Variants in MSRA observed in about 807,000 individuals in gnomAD.
MSRA encodes methionine sulfoxide reductase A, also known as mitochondrial peptide methionine sulfoxide reductase.
MSRA carries 54 observed loss-of-function variants against 31.3 expected under a neutral mutation model. The observed-to-expected ratio is 1.73, with a 90% confidence interval of 1.39 to 2.17. The LOEUF is 2.17. Ranked by LOEUF, MSRA falls within the 30% of genes most tolerant of loss-of-function variation. The pLI, the probability that MSRA is intolerant of heterozygous loss-of-function variation, is 0.00. For missense variants in MSRA, 507 were observed against 300.9 expected (o/e 1.69, Z -5.07); for synonymous variants, 169 against 116.5 (o/e 1.45, Z -2.90).
chr8:10,177,100 A>G (rs1354678472), intron 1 of MSRA, among the ~76,000 whole-genome samples: 3 of 152,182 alleles, frequency 2.0e-5, no homozygotes, highest in Non-Finnish European at 4.4e-5. Flanking sequence ...GTTTGATTCA[A>G]TGAGTCTCTT....
At chr8:10,082,280 C>T (rs1467903964) in intron 1 of MSRA, among the ~76,000 whole-genome samples, 1 of 152,062 alleles carries the variant, frequency 6.6e-6, no homozygotes, top group Non-Finnish European at 1.5e-5. Context: ...GTGAGAATGT[C>T]CTAGACTTTC....
At chr8:10,073,853 C>T (rs1045166714) in intron 1 of MSRA, among the ~76,000 whole-genome samples, 7 of 151,974 alleles carry the variant, frequency 4.6e-5, no homozygotes, top group African/African-American at 1.5e-4. Flanking sequence ...AAATTACTTT[C>T]ATTTCACTTC....
chr8:10,173,192 G>A (rs1585090609), intron 1 of MSRA, among the ~76,000 whole-genome samples: 1 of 152,220 alleles, frequency 6.6e-6, no homozygotes, highest in Admixed American at 6.5e-5. Flanking sequence ...TCGACTATGT[G>A]ATCTTTAGCT....
intron 3 of MSRA, among the ~76,000 whole-genome samples, chr8:10,260,101 T>C (rs895417961): frequency 7.2e-5 from 11 of 152,176 alleles, no homozygotes; most frequent in African/African-American, 2.4e-4. Context: ...CAAGACAAAA[T>C]TGATGCACAA....
chr8:10,221,175 A>G (rs530443064), intron 2 of MSRA, among the ~76,000 whole-genome samples: 15 of 152,172 alleles, frequency 9.9e-5, no homozygotes, highest in Non-Finnish European at 2.1e-4. Context: ...GCATGCTTTT[A>G]TCCTGCTGCC....
At chr8:10,088,047 G>A (rs1458287685) in intron 1 of MSRA, among the ~76,000 whole-genome samples, 2 of 152,162 alleles carry the variant, frequency 1.3e-5, no homozygotes, top group Non-Finnish European at 1.5e-5. Flanking sequence ...AAGCCCTGAA[G>A]CATCTGGGGG....
chr8:10,187,681 C>A (rs1394918661), intron 1 of MSRA, among the ~76,000 whole-genome samples: 1 of 152,146 alleles, frequency 6.6e-6, no homozygotes, highest in Non-Finnish European at 1.5e-5. Context: ...TAAGCGTTAC[C>A]GGCAGGCAAT....
At chr8:10,186,784 G>A (rs928534345) in intron 1 of MSRA, among the ~76,000 whole-genome samples, 3 of 152,310 alleles carry the variant, frequency 2.0e-5, no homozygotes, top group East Asian at 1.9e-4. Flanking sequence ...CTAACATAAC[G>A]TTAGTCCTGC....
chr8:10,060,421 G>GT (rs1419835803), intron 1 of MSRA, among the ~76,000 whole-genome samples: 3 of 152,198 alleles, frequency 2.0e-5, no homozygotes, highest in African/African-American at 2.4e-5. Flanking sequence ...TATGTATAGA[G>GT]AAACTTTGAA....
chr8:10,145,827 C>T (rs1463503083), intron 1 of MSRA, among the ~76,000 whole-genome samples: 8 of 151,326 alleles, frequency 5.3e-5, no homozygotes, highest in East Asian at 3.9e-4. Context: ...CGCATCTGCA[C>T]GTGTGTGTGT....
chr8:10,189,989 T>G (rs1807371278), intron 1 of MSRA, among the ~76,000 whole-genome samples: 1 of 152,194 alleles, frequency 6.6e-6, no homozygotes, highest in African/African-American at 2.4e-5. Flanking sequence ...CGTGTTATTT[T>G]TTGGTGATTT....
intron 1 of MSRA, among the ~76,000 whole-genome samples, chr8:10,056,202 A>AC (rs1398849713): frequency 1.6e-4 from 23 of 139,902 alleles, no homozygotes; most frequent in South Asian, 6.8e-4. Context: ...ATACACCAAA[A>AC]AAAAAAAAAA....
chr8:10,280,074 A>G (rs1418281368), intron 3 of MSRA, among the ~76,000 whole-genome samples: 1 of 152,018 alleles, frequency 6.6e-6, no homozygotes, highest in Non-Finnish European at 1.5e-5. Context: ...GGGAAGTTAT[A>G]TTTTTCTAAG....
At chr8:10,273,884 C>G (rs908532368) in intron 3 of MSRA, among the ~76,000 whole-genome samples, 1 of 152,074 alleles carries the variant, frequency 6.6e-6, no homozygotes, top group African/African-American at 2.4e-5. Context: ...TTGGCACCTT[C>G]CTATCTGCGG....
At chr8:10,361,953 C>T (rs1037161581) in intron 5 of MSRA, among the ~76,000 whole-genome samples, 1 of 152,088 alleles carries the variant, frequency 6.6e-6, no homozygotes, top group Non-Finnish European at 1.5e-5. Flanking sequence ...AAATCGTTTC[C>T]TTCTCATGAT....
intron 5 of MSRA, among the ~76,000 whole-genome samples, chr8:10,390,772 A>G (rs1383327379): frequency 1.3e-5 from 2 of 152,126 alleles, no homozygotes; most frequent in African/African-American, 4.8e-5. Context: ...AGGATGTTAA[A>G]CTACATGTTA....
chr8:10,308,376 C>G (rs773238621), intron 4 of MSRA, among the ~76,000 whole-genome samples: 27 of 152,172 alleles, frequency 1.8e-4, no homozygotes, highest in African/African-American at 7.2e-5. Context: ...TGGCTGTGAA[C>G]CAGATCGGCC....
In MSRA at chr8:10,073,516, A is replaced by C. The variant is rs544565482; in HGVS notation, c.142+18858A>C. Among the ~76,000 whole-genome samples the C allele has an allele frequency of 2.2e-4, 34 of 152,172 alleles. 1 individual carries two copies. Among genetic ancestry groups the C allele is most frequent in the African/African-American group, 6.7e-4 (28 of 41,532 alleles). The stretch of plus-strand genomic sequence containing the variant: ...TTACAGAAAAGGTTTGCTGAATCTT[A>C]CTATAGTTTCACCAACTTTTTCTTT... On this transcript the variant is annotated intron_variant, in intron 1 of 5. Transcript: ENST00000317173.
At chr8:10,283,489 C>A (rs534975032) in intron 3 of MSRA, among the ~76,000 whole-genome samples, 1 of 151,922 alleles carries the variant, frequency 6.6e-6, no homozygotes. Context: ...TATTTGGTTA[C>A]ATGAGTGCAT....
Sources: gnomAD v4.1 joint callset for allele counts (sites outside exome capture counted in the v4.1 genomes callset) on GRCh38, gnomAD v4.1.1 for gene constraint, MANE v1.5 for transcripts, NCBI Gene and HGNC (gene_info 2026-07-23, HGNC 2026-07-21) for gene names.